ZFAT: variants seen among roughly 807,000 people sequenced by gnomAD.
ZFAT encodes the protein zinc finger protein ZFAT.
ZFAT carries 64 observed loss-of-function variants against 117.7 expected under a neutral mutation model. The observed-to-expected ratio is 0.54, with a 90% confidence interval of 0.44 to 0.67. ZFAT has a LOEUF of 0.67. Among genes scored for constraint, ZFAT ranks in the 30% least tolerant of loss-of-function variants. ZFAT has a pLI of 0.00. For synonymous variants in ZFAT, 679 were observed against 615.0 expected, an observed-to-expected ratio of 1.10 and a Z score of -1.54; for missense variants, 1,433 against 1,584.5, an observed-to-expected ratio of 0.90 and a Z score of 1.62.
chr8:134,655,160 G>C lies in ZFAT; in HGVS notation c.196+2401C>G, dbSNP rs141837754. Among the ~76,000 whole-genome samples the C allele has an allele frequency of 1.8e-3, 269 of 152,274 alleles. 2 individuals carry two copies. Among genetic ancestry groups the C allele is most frequent in the African/African-American group, 6.0e-3 (250 of 41,550 alleles). On this transcript the variant is annotated intron_variant, in intron 2 of 15. Coordinates refer to ENST00000377838, the MANE Select transcript of ZFAT (RefSeq NM_020863.4). ...ATGAGAGGGAGGAGAGGGGCATGGG[G>C]GACGGTTGAGAGGGAGGTGAATCTC...
chr8:134,702,671 T>C (rs999238258), intron 1 of ZFAT, among the ~76,000 whole-genome samples: 7 of 152,000 alleles, frequency 4.6e-5, no homozygotes, highest in East Asian at 1.9e-4. Context: ...ATTTCTTTTT[T>C]TTTTTTTCTT....
At chr8:134,513,093 C>T (rs903393019) in intron 13 of ZFAT, among the ~76,000 whole-genome samples, 4 of 151,968 alleles carry the variant, frequency 2.6e-5, no homozygotes, top group African/African-American at 9.7e-5. Context: ...AGCCACAGGG[C>T]AGCTGATGGT....
chr8:134,525,822 C>A (rs922713207), intron 12 of ZFAT, among the ~76,000 whole-genome samples: 1 of 152,208 alleles, frequency 6.6e-6, no homozygotes, highest in African/African-American at 2.4e-5. Flanking sequence ...TTCTTAAATT[C>A]TAGAATATTC....
At chr8:134,550,551 T>C (rs1435841891) in intron 11 of ZFAT, among the ~76,000 whole-genome samples, 2 of 152,248 alleles carry the variant, frequency 1.3e-5, no homozygotes, top group African/African-American at 4.8e-5. Context: ...ACTAATTGCC[T>C]TTTGTGCAAG....
At chr8:134,551,623 A>T (rs1284883188) in intron 11 of ZFAT, among the ~76,000 whole-genome samples, 3 of 152,216 alleles carry the variant, frequency 2.0e-5, no homozygotes, top group East Asian at 3.8e-4. Context: ...AACTATTTAT[A>T]AATGTGTGGC....
At chr8:134,622,177 T>C (rs1435656593) in intron 3 of ZFAT, among the ~76,000 whole-genome samples, 9 of 152,202 alleles carry the variant, frequency 5.9e-5, no homozygotes, top group Non-Finnish European at 5.9e-5. Flanking sequence ...CTGGTTTCTT[T>C]CGGTTTGTAT....
At chr8:134,823,354 CAATA>C in the ZFAT span, among the ~76,000 whole-genome samples, 1 of 152,122 alleles carries the variant, frequency 6.6e-6, no homozygotes, top group Non-Finnish European at 1.5e-5. Flanking sequence ...AAATGATGCA[CAATA>C]AATATTGATT....
chr8:134,733,478 G>A, the ZFAT span, among the ~76,000 whole-genome samples: 2 of 152,242 alleles, frequency 1.3e-5, no homozygotes, highest in Admixed American at 1.3e-4. Context: ...ATGAATGGGC[G>A]AGGCCCTGGG....
intron 5 of ZFAT, among the ~76,000 whole-genome samples, chr8:134,604,767 C>T (rs1827759148): frequency 6.6e-6 from 1 of 152,198 alleles, no homozygotes; most frequent in African/African-American, 2.4e-5. Context: ...GTACAATCCA[C>T]ATGATGTAAT....
the ZFAT span, chr8:134,783,570 T>C: frequency 6.6e-6 from 1 of 152,102 alleles, no homozygotes; most frequent in Non-Finnish European, 1.5e-5. Context: ...ATAGCAAATA[T>C]TTTAGGATTT....
At chr8:134,588,106 G>A (rs568972474) in intron 9 of ZFAT, 140 bp downstream of exon 9, 1 of 1,020,932 alleles carries the variant, frequency 9.8e-7, no homozygotes, top group African/African-American at 1.6e-5. Context: ...GTAGCTGGTT[G>A]ATGGACACAT....
chr8:134,538,328 T>C (rs1322349848), intron 11 of ZFAT, among the ~76,000 whole-genome samples: 5 of 152,036 alleles, frequency 3.3e-5, no homozygotes. Context: ...CTCCCCAGTG[T>C]CCACTGGACC....
At position 134,600,504 on chromosome 8, in the gene ZFAT, CG is replaced by C. The variant is rs758301419; in HGVS notation, c.2406del (p.Asp803MetfsTer42). On this transcript the variant is annotated frameshift_variant, in exon 7 of 16. Transcript: ENST00000377838. LOFTEE classifies it high-confidence loss of function. ...KHSNILLKCPTDGCDYSTPDK... is the reference protein window; with the variant it reads ...KHSNILLKCPXDGCDYSTPDK... ...TCTGGAGTTGAGTAGTCACAGCCAT[CG>C]GTGGGACACTTCAGCAAGATGTTAC... The C allele has an allele frequency of 6.2e-7, 1 of 1,614,174 alleles. No homozygotes were observed. Among genetic ancestry groups the C allele is most frequent in the Non-Finnish European group, 8.5e-7 (1 of 1,180,032 alleles).
intron 1 of ZFAT, among the ~76,000 whole-genome samples, chr8:134,707,714 C>T (rs920195244): frequency 1.6e-4 from 24 of 152,204 alleles, no homozygotes; most frequent in Admixed American, 5.9e-4. Flanking sequence ...TCAGACAACC[C>T]GCAGCTTCCA....
chr8:134,593,493 T>C (rs1382604358), intron 7 of ZFAT, among the ~76,000 whole-genome samples: 1 of 151,516 alleles, frequency 6.6e-6, no homozygotes, highest in Non-Finnish European at 1.5e-5. Context: ...AGATGGAGAG[T>C]CTGAGAGACC....
intron 1 of ZFAT, among the ~76,000 whole-genome samples, chr8:134,676,390 A>C (rs1465860931): frequency 6.6e-6 from 1 of 152,190 alleles, no homozygotes; most frequent in Non-Finnish European, 1.5e-5. Context: ...CAACAAGAAG[A>C]GCTAACTATC....
chr8:134,647,649 T>G (rs936557043), intron 2 of ZFAT, among the ~76,000 whole-genome samples: 2 of 152,234 alleles, frequency 1.3e-5, no homozygotes, highest in African/African-American at 4.8e-5. Context: ...TTCTAATAGC[T>G]TTTGGATAAT....
At chr8:134,739,115 C>T in the ZFAT span, among the ~76,000 whole-genome samples, 97 of 152,158 alleles carry the variant, frequency 6.4e-4, no homozygotes, top group Non-Finnish European at 1.0e-3. Flanking sequence ...CCATCTGGGG[C>T]CGTTCTATAT....
rs545457404 is a variant in ZFAT at position 134,712,197 on chromosome 8, T to C, written c.19+648A>G. ...TTTAAAGCCCCAGCTCTGTCGTTTT[T>C]AAACTGTGTAAAGTTGACCTCTCTG... On this transcript the variant is annotated intron_variant, in intron 1 of 15. Transcript: ENST00000377838. Among the ~76,000 whole-genome samples the C allele has an allele frequency of 2.2e-3, 335 of 152,328 alleles. 1 individual carries two copies. Among genetic ancestry groups the C allele is most frequent in the Non-Finnish European group, 2.3e-3 (157 of 68,030 alleles).
Sources: allele counts gnomAD v4.1 joint callset (sites outside exome capture counted in the v4.1 genomes callset), GRCh38; gene constraint gnomAD v4.1.1; transcripts MANE v1.5; gene names NCBI Gene and HGNC (gene_info 2026-07-23, HGNC 2026-07-21).